Variants in CRLF2 observed in about 807,000 individuals in gnomAD.
The protein encoded by CRLF2 is cytokine receptor like factor 2, also known as cytokine receptor-like factor 2.
CRLF2 carries 41 observed loss-of-function variants against 38.7 expected under a neutral mutation model. The ratio of observed to expected loss-of-function variants is 1.06; its 90% CI spans 0.83 to 1.37. The LOEUF is 1.37. Among genes scored for constraint, CRLF2 ranks in the 40% most tolerant of loss-of-function variants. CRLF2 has a pLI of 0.00. For synonymous variants in CRLF2, 140 were observed against 128.8 expected, an observed-to-expected ratio of 1.09 and a Z score of -0.59; for missense variants, 377 against 322.2, an observed-to-expected ratio of 1.17 and a Z score of -1.30.
intron 5 of CRLF2, among the ~76,000 whole-genome samples, chrX:1,197,818 A>T (rs1428157677): frequency 6.6e-6 from 1 of 151,334 alleles, no homozygotes; most frequent in East Asian, 1.9e-4. Context: ...CCTCTAAAAA[A>T]AAATAAAAAT....
chrX:1,197,745 C>T (rs1480745678), intron 5 of CRLF2, among the ~76,000 whole-genome samples: 31 of 151,508 alleles, frequency 2.0e-4, no homozygotes, highest in Non-Finnish European at 3.2e-4. Context: ...ACTCGGGAGG[C>T]GGAGGTTGCA....
rs1337241493 is a variant in CRLF2 at position 1,192,362 on chromosome X, G to A, written c.852+856C>T. Among the ~76,000 whole-genome samples the A allele has an allele frequency of 1.1e-3, 172 of 151,294 alleles. 2 individuals are homozygous for A. Among genetic ancestry groups the A allele is most frequent in the Admixed American group, 8.2e-3 (125 of 15,190 alleles). ...ACAAAAACCAGGCGCGGTGGCTCAC[G>A]CCTGTCATCCCAGCACTTCGGGAGG... On this transcript the variant is annotated intron_variant, in intron 7 of 7. Coordinates refer to ENST00000400841, the MANE Select transcript of CRLF2 (RefSeq NM_022148.4).
intron 6 of CRLF2, among the ~76,000 whole-genome samples, chrX:1,195,996 AT>A (rs2086468612): frequency 4.2e-5 from 6 of 141,686 alleles, no homozygotes; most frequent in Non-Finnish European, 9.1e-5. Flanking sequence ...TTATATATTT[AT>A]ATATATAATT....
chrX:1,206,533 C>T lies in CRLF2; in HGVS notation c.249G>A (p.Gly83=). ...NYLLQEGHTS[G]CLLDAEQRDD... is the part of the protein sequence containing the mutation. ...CTCGCTGCTCTGCGTCTAGGAGGCA[C>T]CCCGAAGTGTGACCTTCCTGGAGAA... The change falls in exon 3 of 8, where the codon GGG becomes GGA. Residue 83 remains glycine (G), a synonymous_variant. Transcript: ENST00000400841. 1 of 1,613,568 alleles carries T rather than the reference C, an allele frequency of 6.2e-7. No individual in the cohort carries two copies. Among genetic ancestry groups the T allele is most frequent in the Non-Finnish European group, 8.5e-7 (1 of 1,179,560 alleles).
Position 1,211,890 on chromosome X carries a change from T to G in CRLF2, c.79+666A>C, listed in dbSNP as rs1379139866. On this transcript the variant is annotated intron_variant, in intron 1 of 7. Coordinates refer to ENST00000400841, the MANE Select transcript of CRLF2 (RefSeq NM_022148.4). ...ATGTATTGGTAGATGGATGGGTGGA[T>G]GGGTGGATGGATGGATGGATGTATT... 3.4e-5 allele frequency among the ~76,000 whole-genome samples: 3 copies of G among 88,376 alleles called. 1 individual carries two copies. The highest frequency in any genetic ancestry group is 6.6e-5 in the Non-Finnish European group (3 of 45,132). The allele number at this position is 88,376 out of a possible 152,430, so 58.0% of individuals were successfully genotyped here.
intron 7 of CRLF2, 133 bp from the exon 8 acceptor site, chrX:1,191,293 T>TCC (rs2086368537): frequency 1.0e-5 from 3 of 290,492 alleles, no homozygotes; most frequent in South Asian, 2.4e-4. Flanking sequence ...TTCTTTTCTT[T>TCC]TCTCTTTCTT....
Position 1,197,450 on chromosome X carries a change from A to C in CRLF2, c.647-550T>G, listed in dbSNP as rs746332806. On this transcript the variant is annotated intron_variant, in intron 5 of 7. Transcript: ENST00000400841. Reference sequence around the variant, plus strand: ...GCCTTTGGAGGCTTCTGGTTGCTGGAGGTGTTTACAGCATATGAGAGCTTG... The same window carrying C: ...GCCTTTGGAGGCTTCTGGTTGCTGGCGGTGTTTACAGCATATGAGAGCTTG... Among the ~76,000 whole-genome samples the C allele has an allele frequency of 2.1e-4, 32 of 152,096 alleles. No homozygotes were observed. The East Asian group carries it at 5.6e-3, about 27-fold the overall frequency.
chrX:1,206,704 G>T (rs1187402586), intron 2 of CRLF2, 105 bp from the exon 3 acceptor site: 25 of 1,048,998 alleles, frequency 2.4e-5, no homozygotes, highest in Non-Finnish European at 3.4e-5. Context: ...GTGCAATGGC[G>T]CGATCTCAGC....
At position 1,193,793 on chromosome X, in the gene CRLF2, A is replaced by G. The variant is rs1298319548; in HGVS notation, c.768-491T>C. On this transcript the variant is annotated intron_variant, in intron 6 of 7. Coordinates refer to ENST00000400841, the MANE Select transcript of CRLF2 (RefSeq NM_022148.4). Reference sequence around the variant, plus strand: ...CGAGACTCCATCTCAAAAAAAAAAAAAAAAAAAAAATACAAAAATTAGCCA... The same window carrying G: ...CGAGACTCCATCTCAAAAAAAAAAAGAAAAAAAAAATACAAAAATTAGCCA... Among the ~76,000 whole-genome samples, 297 of 150,046 alleles carry G rather than the reference A, an allele frequency of 2.0e-3. 1 individual carries two copies. Among genetic ancestry groups the G allele is most frequent in the Admixed American group, 5.3e-3 (80 of 15,016 alleles).
chrX:1,210,071 T>A, intron 1 of CRLF2, among the ~76,000 whole-genome samples: 1 of 139,816 alleles, frequency 7.2e-6, no homozygotes, highest in Non-Finnish European at 1.5e-5. Flanking sequence ...GTCACTGCAC[T>A]CCAGCCTGGG....
At chrX:1,192,213 A>AC (rs1194018937) in intron 7 of CRLF2, among the ~76,000 whole-genome samples, 1 of 137,554 alleles carries the variant, frequency 7.3e-6, no homozygotes, top group Non-Finnish European at 1.6e-5. Context: ...TCAAAAAAAA[A>AC]AAAAAAACAA....
At chrX:1,210,703 GGATA>G (rs2086782080) in intron 1 of CRLF2, among the ~76,000 whole-genome samples, 1 of 152,146 alleles carries the variant, frequency 6.6e-6, no homozygotes, top group African/African-American at 2.4e-5. Flanking sequence ...GGTATCTGGA[GGATA>G]GATAGATACA....
Position 1,196,724 on chromosome X carries a change from C to A in CRLF2, c.767+56G>T, listed in dbSNP as rs1345892675. The A allele has an allele frequency of 3.8e-6, 6 of 1,593,074 alleles. No individual in the cohort carries two copies. The African/African-American group carries it at 8.1e-5, about 22-fold the overall frequency. ...AGGCGATTAATCTTTTTTCGTACTT[C>A]ACAGACATTGTGCAAGCAGGTCCCT... On this transcript the variant is annotated intron_variant, in intron 6 of 7. Transcript: ENST00000400841.
rs750595219 is a variant in CRLF2, at chrX:1,206,627, C to A, written c.183-28G>T. 28 of 1,599,626 alleles carry A rather than the reference C, an allele frequency of 1.8e-5. No individual in the cohort carries two copies. In the Admixed American group the frequency reaches 1.9e-4, roughly 11 times the overall value. On this transcript the variant is annotated intron_variant, in intron 2 of 7. Coordinates refer to ENST00000400841, the MANE Select transcript of CRLF2 (RefSeq NM_022148.4). ...GTGGTTTAAAACGATGACCATTCAG[C>A]AACAAAACAAAAAAGCATGTCTTAT...
chrX:1,202,567 C>T, intron 3 of CRLF2, 32 bp from the exon 4 acceptor site: 2 of 1,613,528 alleles, frequency 1.2e-6, no homozygotes, highest in Non-Finnish European at 1.7e-6. Context: ...AGCGACGTCC[C>T]TCCTCTCTGA....
intron 7 of CRLF2, among the ~76,000 whole-genome samples, chrX:1,191,642 C>A (rs2086382682): frequency 6.6e-6 from 1 of 151,600 alleles, no homozygotes; most frequent in African/African-American, 2.4e-5. Flanking sequence ...AGCGATTCTC[C>A]TGCCTCAGCC....
In CRLF2 at chrX:1,192,551, G is replaced by C. The variant is rs1216571339; in HGVS notation, c.852+667C>G. 1.2e-3 allele frequency among the ~76,000 whole-genome samples: 179 copies of C among 152,140 alleles called. 1 individual carries two copies. Among genetic ancestry groups the C allele is most frequent in the African/African-American group, 4.1e-3 (169 of 41,536 alleles). On this transcript the variant is annotated intron_variant, in intron 7 of 7. Transcript: ENST00000400841. ...GAATCATTTGACCCTGGGAGGTGGA[G>C]GTTGCAGTGAGCCGAGATCAAACCA...
At chrX:1,192,077 C>A (rs1313173432) in intron 7 of CRLF2, among the ~76,000 whole-genome samples, 14 of 148,756 alleles carry the variant, frequency 9.4e-5, no homozygotes, top group Non-Finnish European at 1.9e-4. Context: ...TGGTGGCGGG[C>A]GCCTGTAGTC....
At chrX:1,195,877 T>C (rs1409570241) in intron 6 of CRLF2, among the ~76,000 whole-genome samples, 1 of 140,482 alleles carries the variant, frequency 7.1e-6, no homozygotes, top group Non-Finnish European at 1.5e-5. Flanking sequence ...ATTAAATATA[T>C]ATTTTATATA....
Sources: allele counts gnomAD v4.1 joint callset (sites outside exome capture counted in the v4.1 genomes callset), GRCh38; gene constraint gnomAD v4.1.1; transcripts MANE v1.5; gene names NCBI Gene and HGNC (gene_info 2026-07-23, HGNC 2026-07-21).